PCDH7: variants seen among roughly 807,000 people sequenced by gnomAD.
PCDH7 encodes the protein protocadherin-7.
Under a neutral mutation model 58.9 loss-of-function variants are expected in PCDH7, and 17 were observed. That is an observed-to-expected ratio of 0.29 (90% CI 0.20 to 0.43). PCDH7 has a LOEUF of 0.43. Among genes scored for constraint, PCDH7 ranks in the 20% least tolerant of loss-of-function variants. The pLI, the probability that PCDH7 is intolerant of heterozygous loss-of-function variation, is 1.00. For missense variants in PCDH7, 1,274 were observed against 1,441.0 expected (o/e 0.88, Z 1.88); for synonymous variants, 664 against 616.4 (o/e 1.08, Z -1.14).
At chr4:31,123,523 C>A (rs900455109) in intron 3 of PCDH7, among the ~76,000 whole-genome samples, 2 of 152,150 alleles carry the variant, frequency 1.3e-5, no homozygotes, top group East Asian at 3.9e-4. Flanking sequence ...TGGGCGCCAA[C>A]AGGAATGAAA....
At chr4:30,915,815 G>T (rs572330728) in intron 1 of PCDH7, among the ~76,000 whole-genome samples, 1 of 152,088 alleles carries the variant, frequency 6.6e-6, no homozygotes, top group Non-Finnish European at 1.5e-5. Context: ...GAGCCACTGA[G>T]CCTGGCCCTC....
At chr4:31,039,186 T>C (rs1229601403) in intron 3 of PCDH7, among the ~76,000 whole-genome samples, 1 of 152,192 alleles carries the variant, frequency 6.6e-6, no homozygotes, top group Non-Finnish European at 1.5e-5. Flanking sequence ...GGCATTCTCC[T>C]TTAGCATTTT....
chr4:31,143,115 AAAAAAAAAAAC>A, downstream of PCDH7: 1 of 164,756 alleles, frequency 6.1e-6, no homozygotes, highest in South Asian at 1.4e-4. Flanking sequence ...CCCTCTCCAA[AAAAAAAAAAAC>A]AAAAAGAAAA....
intron 3 of PCDH7, among the ~76,000 whole-genome samples, chr4:31,078,529 C>T (rs1247806260): frequency 6.7e-6 from 1 of 149,290 alleles, no homozygotes; most frequent in Non-Finnish European, 1.5e-5. Flanking sequence ...TGATATGCTG[C>T]CCAGGCTGGT....
At chr4:31,033,751 A>T (rs1755152458) in intron 3 of PCDH7, among the ~76,000 whole-genome samples, 1 of 151,838 alleles carries the variant, frequency 6.6e-6, no homozygotes, top group African/African-American at 2.4e-5. Context: ...TTTCATACTC[A>T]CTTTTATACT....
intron 3 of PCDH7, among the ~76,000 whole-genome samples, chr4:30,951,818 T>C (rs1230236588): frequency 6.6e-6 from 1 of 152,196 alleles, no homozygotes; most frequent in African/African-American, 2.4e-5. Flanking sequence ...ACATGCCTTA[T>C]ACAGCTTCTC....
intron 3 of PCDH7, among the ~76,000 whole-genome samples, chr4:31,054,143 T>C (rs1756964712): frequency 6.6e-6 from 1 of 152,078 alleles, no homozygotes; most frequent in Non-Finnish European, 1.5e-5. Flanking sequence ...TTTTTGTGTT[T>C]TTGTAGAGAT....
chr4:31,001,930 A>G (rs531056897), intron 3 of PCDH7, among the ~76,000 whole-genome samples: 1 of 152,362 alleles, frequency 6.6e-6, no homozygotes, highest in South Asian at 2.1e-4. Context: ...CAAGAACAAA[A>G]CAACAAAAGC....
Position 31,123,173 on chromosome 4 carries a change from A to C in PCDH7, c.*8-19300A>C, listed in dbSNP as rs549651087. On this transcript the variant is annotated intron_variant, in intron 3 of 3. Transcript: ENST00000509759. ...GGTACTATAAATTTATAACAAAAAA[A>C]CATGAATCTCTAATCTTTCATTTTC... Among the ~76,000 whole-genome samples the C allele has an allele frequency of 2.0e-5, 3 of 152,286 alleles. No individual in the cohort carries two copies. In the East Asian group the frequency reaches 5.8e-4, roughly 29 times the overall value.
intron 3 of PCDH7, among the ~76,000 whole-genome samples, chr4:31,049,879 G>T (rs1756598585): frequency 6.6e-6 from 1 of 152,092 alleles, no homozygotes; most frequent in African/African-American, 2.4e-5. Flanking sequence ...CAAATCAAAT[G>T]TCTACCCCAA....
At chr4:30,831,354 G>C (rs1334563974) in intron 1 of PCDH7, among the ~76,000 whole-genome samples, 1 of 152,054 alleles carries the variant, frequency 6.6e-6, no homozygotes, top group East Asian at 1.9e-4. Flanking sequence ...CAAAGAATTG[G>C]GTTCAATTCA....
At chr4:31,097,611 T>TATATATAG (rs1553850625) in intron 3 of PCDH7, among the ~76,000 whole-genome samples, 3 of 33,518 alleles carry the variant, frequency 9.0e-5, no homozygotes, top group East Asian at 8.3e-3. Context: ...TATATATATA[T>TATATATAG]ATATATATAT....
intron 1 of PCDH7, among the ~76,000 whole-genome samples, chr4:30,845,751 C>T (rs1731855587): frequency 6.6e-6 from 1 of 152,006 alleles, no homozygotes; most frequent in Non-Finnish European, 1.5e-5. Flanking sequence ...AAGTGTGTGC[C>T]ACCAGGTTAA....
At chr4:30,867,903 G>T (rs556837653) in intron 1 of PCDH7, among the ~76,000 whole-genome samples, 1 of 151,918 alleles carries the variant, frequency 6.6e-6, no homozygotes, top group African/African-American at 2.4e-5. Context: ...AAAATTGCAC[G>T]ATATTTTTAA....
chr4:31,121,116 C>A (rs1717641456), intron 3 of PCDH7, among the ~76,000 whole-genome samples: 1 of 152,098 alleles, frequency 6.6e-6, no homozygotes, highest in Non-Finnish European at 1.5e-5. Flanking sequence ...TCATTATTCA[C>A]AGGTCGCTGT....
At chr4:30,824,131 CTTT>C (rs1728782025) in intron 1 of PCDH7, among the ~76,000 whole-genome samples, 2 of 143,772 alleles carry the variant, frequency 1.4e-5, no homozygotes, top group Admixed American at 7.1e-5. Context: ...TTCTTTCTTT[CTTT>C]CTTTCTTTCT....
chr4:30,894,615 A>ATG (rs1739166238), intron 1 of PCDH7, among the ~76,000 whole-genome samples: 1 of 134,718 alleles, frequency 7.4e-6, no homozygotes, highest in East Asian at 2.1e-4. Flanking sequence ...ATATATATAT[A>ATG]TGTTTTGAGT....
chr4:30,878,703 G>T (rs1333372192), intron 1 of PCDH7, among the ~76,000 whole-genome samples: 2 of 151,954 alleles, frequency 1.3e-5, no homozygotes, highest in Non-Finnish European at 2.9e-5. Context: ...TACAAAAATT[G>T]TCTGGGTTTG....
At chr4:30,736,531 A>ATTTT (rs1560314766), downstream of PCDH7, among the ~76,000 whole-genome samples, 1 of 130,094 alleles carries the variant, frequency 7.7e-6, no homozygotes. Context: ...ATTTATTTTC[A>ATTTT]TTTATTTTTT....
Sources: allele counts gnomAD v4.1 joint callset (sites outside exome capture counted in the v4.1 genomes callset), GRCh38; gene constraint gnomAD v4.1.1; transcripts MANE v1.5; gene names NCBI Gene and HGNC (gene_info 2026-07-23, HGNC 2026-07-21).